ADORA2B: variants seen among roughly 807,000 people sequenced by gnomAD.
ADORA2B encodes the protein adenosine receptor A2b.
In ADORA2B, 18 loss-of-function variants were observed where a neutral mutation model predicts 20.8. The observed-to-expected ratio is 0.87, with a 90% CI of 0.60 to 1.29. ADORA2B has a LOEUF of 1.29. ADORA2B is among the 50% of genes most tolerant of loss of function. ADORA2B has a pLI of 0.00. For missense variants in ADORA2B, 441 were observed against 422.7 expected (o/e 1.04, Z -0.38); for synonymous variants, 179 against 178.3 (o/e 1.00, Z -0.03).
chr17:15,884,976 G>C, the ADORA2B span, among the ~76,000 whole-genome samples: 1,499 of 152,260 alleles, frequency 9.8e-3, 34 homozygotes, highest in African/African-American at 0.034. Context: ...TCTGCTTCTA[G>C]GTCTTTGAGG....
At chr17:15,914,074 A>C in the ADORA2B span, among the ~76,000 whole-genome samples, 1 of 152,192 alleles carries the variant, frequency 6.6e-6, no homozygotes, top group East Asian at 1.9e-4. Context: ...GCCCCGAATC[A>C]TGGGGACATG....
the ADORA2B span, among the ~76,000 whole-genome samples, chr17:15,861,399 G>T: frequency 6.6e-6 from 1 of 152,130 alleles, no homozygotes; most frequent in African/African-American, 2.4e-5. Flanking sequence ...GGATGGATAG[G>T]TGACTAGGAC....
At chr17:15,924,133 G>A in the ADORA2B span, among the ~76,000 whole-genome samples, 9 of 151,778 alleles carry the variant, frequency 5.9e-5, no homozygotes, top group Admixed American at 3.3e-4. Context: ...GGCTGGTCTC[G>A]ATCTCCTGAC....
the ADORA2B span, among the ~76,000 whole-genome samples, chr17:15,887,681 C>T: frequency 2.3e-5 from 3 of 127,676 alleles, 1 homozygote; most frequent in African/African-American, 6.7e-5. Context: ...GGTGTGGTCG[C>T]TCACGCCTGT....
the ADORA2B span, among the ~76,000 whole-genome samples, chr17:15,894,972 A>G: frequency 6.6e-6 from 1 of 152,184 alleles, no homozygotes; most frequent in Non-Finnish European, 1.5e-5. Flanking sequence ...TCAAGAGTAT[A>G]GAAGCTAGCG....
the ADORA2B span, among the ~76,000 whole-genome samples, chr17:15,930,943 C>T: frequency 1.1e-3 from 170 of 152,366 alleles, no homozygotes; most frequent in African/African-American, 3.9e-3. Context: ...AGCCTAAATT[C>T]ACTGGGAAGG....
chr17:15,972,739 G>A (rs1236104676), intron 1 of ADORA2B, among the ~76,000 whole-genome samples: 1 of 152,014 alleles, frequency 6.6e-6, no homozygotes. Context: ...CCCAGTAGTG[G>A]TTTCTAGTAT....
chr17:15,897,703 G>T, the ADORA2B span, among the ~76,000 whole-genome samples: 2 of 152,150 alleles, frequency 1.3e-5, no homozygotes, highest in Non-Finnish European at 2.9e-5. Flanking sequence ...TTTAAAAGAC[G>T]TTCAATCTCA....
chr17:15,858,853 T>C, the ADORA2B span: 1 of 152,548 alleles, frequency 6.6e-6, no homozygotes, highest in Non-Finnish European at 1.5e-5. Flanking sequence ...ACTTTTGACT[T>C]ACTGCAGTTT....
the ADORA2B span, among the ~76,000 whole-genome samples, chr17:15,871,882 T>C: frequency 3.3e-5 from 5 of 152,322 alleles, no homozygotes; most frequent in Admixed American, 6.5e-5. Flanking sequence ...TGGCCATGAC[T>C]TCATGCTGCG....
chr17:15,913,459 T>C, the ADORA2B span, among the ~76,000 whole-genome samples: 3 of 152,212 alleles, frequency 2.0e-5, no homozygotes, highest in Non-Finnish European at 2.9e-5. Context: ...CTTTTCCAGC[T>C]TGATGGTGAA....
the ADORA2B span, among the ~76,000 whole-genome samples, chr17:15,911,736 C>T: frequency 0.32 from 49,025 of 151,960 alleles, 8,636 homozygotes; most frequent in African/African-American, 0.46. Flanking sequence ...TAGACATGCA[C>T]GTAGAAGAGA....
At chr17:15,856,629 T>C in the ADORA2B span, among the ~76,000 whole-genome samples, 1 of 152,202 alleles carries the variant, frequency 6.6e-6, no homozygotes, top group Admixed American at 6.5e-5. Flanking sequence ...TGATATGATG[T>C]GGAAAATGAA....
intron 1 of ADORA2B, among the ~76,000 whole-genome samples, chr17:15,966,775 TG>T (rs1970123047): frequency 6.6e-6 from 1 of 152,238 alleles, no homozygotes; most frequent in Non-Finnish European, 1.5e-5. Flanking sequence ...CTGCAAAGGC[TG>T]GGATTGTTTC....
At position 15,964,953 on chromosome 17, in the gene ADORA2B, A is replaced by G. The variant is rs553728725; in HGVS notation, c.336-9726A>G. Among the ~76,000 whole-genome samples, 860 of 152,158 alleles carry G rather than the reference A, an allele frequency of 5.7e-3. 1 individual carries two copies. The highest frequency in any genetic ancestry group is 0.014 in the Middle Eastern group (4 of 292). The stretch of plus-strand genomic sequence containing the variant: ...CGGGTGCCTGTAGTCCCAGCTACTC[A>G]GGAGGCTGAGGCAGGAGAATGGCGT... On this transcript the variant is annotated intron_variant, in intron 1 of 1. Transcript: ENST00000304222.
At chr17:15,960,896 A>G (rs1444283505) in intron 1 of ADORA2B, among the ~76,000 whole-genome samples, 2 of 144,616 alleles carry the variant, frequency 1.4e-5, no homozygotes, top group African/African-American at 5.2e-5. Context: ...GTCTGGGCGC[A>G]GTAGCTCACG....
the ADORA2B span, among the ~76,000 whole-genome samples, chr17:15,888,321 C>T: frequency 9.3e-5 from 12 of 129,398 alleles, 3 homozygotes; most frequent in East Asian, 2.1e-4. Flanking sequence ...CTCATGGCTG[C>T]GGCTGGGACT....
chr17:15,916,090 G>A, the ADORA2B span, among the ~76,000 whole-genome samples: 2 of 152,110 alleles, frequency 1.3e-5, no homozygotes, highest in African/African-American at 4.8e-5. Context: ...CAGCTGGGGT[G>A]GGGGGGTCAC....
At chr17:15,971,662 C>G (rs540837568) in intron 1 of ADORA2B, among the ~76,000 whole-genome samples, 2 of 136,448 alleles carry the variant, frequency 1.5e-5, no homozygotes, top group South Asian at 4.8e-4. Flanking sequence ...TGGAATCTCA[C>G]TCTGTCGCCC....
Sources: allele counts gnomAD v4.1 joint callset (sites outside exome capture counted in the v4.1 genomes callset), GRCh38; gene constraint gnomAD v4.1.1; transcripts MANE v1.5; gene names NCBI Gene and HGNC (gene_info 2026-07-23, HGNC 2026-07-21).